The following NEK1 variants were observed in gnomAD, a reference collection of about 807,000 sequenced individuals.
The protein encoded by NEK1 is serine/threonine-protein kinase Nek1.
A neutral mutation model predicts 182.1 loss-of-function variants in NEK1; 137 were observed. The observed-to-expected ratio is 0.75, with a 90% CI of 0.65 to 0.87. The LOEUF (loss-of-function observed/expected upper bound fraction) is 0.87, where lower values mean the gene tolerates loss of function less well. Ranked by LOEUF, NEK1 falls within the 40% of genes least tolerant of loss-of-function variation. The pLI, the probability that NEK1 is intolerant of heterozygous loss-of-function variation, is 0.00. For synonymous variants in NEK1, 513 were observed against 492.2 expected (o/e 1.04, Z -0.56); for missense variants, 1,391 against 1,494.4 (o/e 0.93, Z 1.14).
chr4:169,533,422 G>C (rs953626120), intron 19 of NEK1, among the ~76,000 whole-genome samples: 9 of 152,148 alleles, frequency 5.9e-5, no homozygotes, highest in Non-Finnish European at 1.2e-4. Flanking sequence ...ACTAGCAAAG[G>C]TGCAGAACAT....
At chr4:169,549,175 C>T (rs115056321) in intron 18 of NEK1, among the ~76,000 whole-genome samples, 1,824 of 152,266 alleles carry the variant, frequency 0.012, 31 homozygotes, top group African/African-American at 0.041. Context: ...CCAGAGTGCA[C>T]GGTACAGTTC....
chr4:169,587,544 G>C lies in NEK1; in HGVS notation c.606+15C>G. The C allele has an allele frequency of 7.1e-7, 1 of 1,411,012 alleles. No individual in the cohort carries two copies. 87.4% of individuals were successfully genotyped at this position (1,411,012 alleles called of 1,614,324 possible). ...TTAACATAACTTTGAAAGTATTTCA[G>C]AAACTTCTACTTACAGCATGTTTAA... On this transcript the variant is annotated intron_variant, in intron 9 of 35. Transcript: ENST00000507142.
At position 169,477,430 on chromosome 4, in the gene NEK1, A is replaced by G; in HGVS notation, c.2205+2T>C. ...TTGATAAACTTTGAAAATTTTACTTACTGAAATAGCATTGTTGGTCTTTTG... is the reference window on the plus strand; with the variant it reads ...TTGATAAACTTTGAAAATTTTACTTGCTGAAATAGCATTGTTGGTCTTTTG... On this transcript the variant is annotated splice_donor_variant, in intron 25 of 35. Transcript: ENST00000507142. LOFTEE classifies it high-confidence loss of function. 3 of 1,601,316 alleles carry G rather than the reference A, an allele frequency of 1.9e-6. No homozygotes were observed. The South Asian group carries it at 3.4e-5, about 18-fold the overall frequency.
chr4:169,557,177 C>T (rs1403795624), intron 16 of NEK1, among the ~76,000 whole-genome samples: 2 of 151,874 alleles, frequency 1.3e-5, no homozygotes, highest in Non-Finnish European at 2.9e-5. Context: ...GCTGCCCTGA[C>T]ACCAAGCCAA....
At chr4:169,438,360 C>T (rs1738815364) in intron 27 of NEK1, 101 bp from the exon 28 acceptor site, 1 of 783,960 alleles carries the variant, frequency 1.3e-6, no homozygotes, top group Non-Finnish European at 2.0e-6. Context: ...ATTACTGCAA[C>T]AGGCAATTAC....
intron 5 of NEK1, among the ~76,000 whole-genome samples, chr4:169,595,866 T>TG (rs1166939134): frequency 7.6e-6 from 1 of 132,314 alleles, no homozygotes. Flanking sequence ...GAGCTTGCAG[T>TG]GAGCCGAGAT....
chr4:169,498,204 T>C (rs949997023), intron 23 of NEK1, among the ~76,000 whole-genome samples: 9 of 152,220 alleles, frequency 5.9e-5, no homozygotes, highest in African/African-American at 2.2e-4. Context: ...TTAAAGTCTT[T>C]TATCAGAGAC....
At chr4:169,394,755 A>C (rs1379742845) in intron 35 of NEK1, among the ~76,000 whole-genome samples, 1 of 152,212 alleles carries the variant, frequency 6.6e-6, no homozygotes, top group Non-Finnish European at 1.5e-5. Flanking sequence ...ACTTTATATA[A>C]ATCCTCCCAC....
In NEK1 at chr4:169,490,959, T is replaced by C. The variant is rs530521616; in HGVS notation, c.2008-11425A>G. On this transcript the variant is annotated intron_variant, in intron 23 of 35. Coordinates refer to ENST00000507142, the MANE Select transcript of NEK1 (RefSeq NM_001199397.3). ...GAGATCAAGACCATCCTGGCTAACA[T>C]GGTGAAGCCCTGTCTCTACTAAAAA... is the stretch of plus-strand genomic sequence containing the variant. 4.7e-4 allele frequency among the ~76,000 whole-genome samples: 72 copies of C among 151,768 alleles called. 1 individual carries two copies. In the South Asian group the frequency reaches 0.014, roughly 30 times the overall value.
chr4:169,489,022 G>T (rs1465422187), intron 23 of NEK1, among the ~76,000 whole-genome samples: 2 of 152,114 alleles, frequency 1.3e-5, no homozygotes, highest in South Asian at 2.1e-4. Context: ...TAATTAATTG[G>T]CAAGGCTGAG....
At chr4:169,531,231 G>T (rs1369188998) in intron 19 of NEK1, among the ~76,000 whole-genome samples, 1 of 151,976 alleles carries the variant, frequency 6.6e-6, no homozygotes, top group African/African-American at 2.4e-5. Flanking sequence ...GTAAGATGAG[G>T]ATTAAAAATA....
chr4:169,499,161 A>C (rs983587286), intron 23 of NEK1, among the ~76,000 whole-genome samples: 2 of 152,074 alleles, frequency 1.3e-5, no homozygotes, highest in East Asian at 1.9e-4. Context: ...TTGATCTTCC[A>C]TCACTGATAC....
chr4:169,555,035 C>G (rs1359198902), intron 18 of NEK1: 1 of 152,146 alleles, frequency 6.6e-6, no homozygotes, highest in East Asian at 1.9e-4. Context: ...AAGCCTCCCA[C>G]AAAATTTGTC....
rs367957311 is a variant in NEK1 at position 169,507,737 on chromosome 4, C to A, written c.1889G>T (p.Arg630Leu). ...TACCTTCAGTGATTCGATTTTTTTG[C>A]GCCTCATGTCAGCCTCTTCACTTCC... ...QEGSEEADMR[R>L]KKIESLKAHA... Residue 630 changes from arginine (R) to leucine (L), a missense_variant, in exon 22 of 36, where the codon CGC becomes CTC. By Grantham distance (102) the Arg-to-Leu change is moderately radical. Transcript: ENST00000507142. 1.9e-6 allele frequency: 3 copies of A among 1,611,632 alleles called. No homozygotes were observed. Among genetic ancestry groups the A allele is most frequent in the African/African-American group, 1.3e-5 (1 of 74,786 alleles).
At chr4:169,505,822 G>A (rs1312411892) in intron 23 of NEK1, among the ~76,000 whole-genome samples, 3 of 151,946 alleles carry the variant, frequency 2.0e-5, no homozygotes, top group Non-Finnish European at 4.4e-5. Flanking sequence ...AACTCAAAAT[G>A]TCTGCAAATA....
intron 23 of NEK1, among the ~76,000 whole-genome samples, chr4:169,502,371 T>C (rs1049875592): frequency 6.6e-6 from 1 of 152,056 alleles, no homozygotes; most frequent in East Asian, 1.9e-4. Context: ...GATTCCTCCC[T>C]AACTCATTCT....
At chr4:169,412,060 G>T (rs1190516733) in intron 31 of NEK1, among the ~76,000 whole-genome samples, 1 of 152,304 alleles carries the variant, frequency 6.6e-6, no homozygotes, top group South Asian at 2.1e-4. Context: ...ATGGCTCCAT[G>T]AGCAGAGGAT....
In NEK1 at chr4:169,477,439, G is replaced by C. The variant is rs751778044; in HGVS notation, c.2198C>G (p.Ala733Gly). ...TTTGAAAATTTTACTTACTGAAATA[G>C]CATTGTTGGTCTTTTGCATCTCTTC... is the stretch of plus-strand genomic sequence containing the variant. ...TSEEMQKTNN[A>G]ISSKREILRR... Residue 733 changes from alanine to glycine, a missense_variant, in exon 25 of 36, where the codon GCT (alanine) becomes GGT (glycine). Around this residue, in one of 5 missense-constraint regions of NEK1, gnomAD observed 1,216 missense variants for 1,277.6 expected, o/e 0.95. Coordinates refer to ENST00000507142, the MANE Select transcript of NEK1 (RefSeq NM_001199397.3). 2.9e-5 allele frequency: 47 copies of C among 1,604,300 alleles called. No homozygotes were observed. The highest frequency in any genetic ancestry group is 3.7e-5 in the Non-Finnish European group (44 of 1,175,510).
At chr4:169,426,121 A>G in intron 30 of NEK1, 25 bp downstream of exon 30, 1 of 1,546,414 alleles carries the variant, frequency 6.5e-7, no homozygotes, top group Non-Finnish European at 8.9e-7. Context: ...CCAGAAAGTA[A>G]TTAGACTAAT....
Sources: allele counts gnomAD v4.1 joint callset (sites outside exome capture counted in the v4.1 genomes callset), GRCh38; gene constraint gnomAD v4.1.1; regional missense constraint gnomAD v4.1.1; transcripts MANE v1.5; gene names NCBI Gene and HGNC (gene_info 2026-07-23, HGNC 2026-07-21).